GRM8: variants seen among roughly 807,000 people sequenced by gnomAD.
The protein encoded by GRM8 is metabotropic glutamate receptor 8.
A neutral mutation model predicts 87.2 loss-of-function variants in GRM8; 47 were observed. The ratio of observed to expected loss-of-function variants is 0.54; its 90% CI spans 0.43 to 0.69. The LOEUF is 0.69. Ranked by LOEUF, GRM8 falls within the 30% of genes least tolerant of loss-of-function variation. The pLI, the probability that GRM8 is intolerant of heterozygous loss-of-function variation, is 0.00. For missense variants in GRM8, 1,019 were observed against 1,139.2 expected (o/e 0.89, Z 1.52); for synonymous variants, 396 against 404.5 (o/e 0.98, Z 0.25).
intron 3 of GRM8, among the ~76,000 whole-genome samples, chr7:126,959,058 A>C (rs1305146639): frequency 6.6e-6 from 1 of 152,228 alleles, no homozygotes; most frequent in Admixed American, 6.5e-5. Flanking sequence ...GAAATCTGGA[A>C]GATAAAAGGA....
intron 9 of GRM8, among the ~76,000 whole-genome samples, chr7:126,492,739 A>C (rs1808171412): frequency 2.0e-5 from 3 of 152,054 alleles, no homozygotes; most frequent in Non-Finnish European, 4.4e-5. Flanking sequence ...TAAAGATGTA[A>C]ATAGCTTTAT....
chr7:127,033,563 G>A lies in GRM8; in HGVS notation c.727+72933C>T, dbSNP rs1289793102. On this transcript the variant is annotated intron_variant, in intron 3 of 10. Transcript: ENST00000339582. ...GATGAGAAAACTGAAGATTTAAAAG[G>A]TTAAGTAGTTTGCTCAAAGTTATAG... 4.6e-5 allele frequency among the ~76,000 whole-genome samples: 7 copies of A among 152,052 alleles called. No individual in the cohort carries two copies. The South Asian group carries it at 1.5e-3, about 32-fold the overall frequency.
At chr7:126,939,205 C>A (rs932363205) in intron 3 of GRM8, among the ~76,000 whole-genome samples, 1 of 152,142 alleles carries the variant, frequency 6.6e-6, no homozygotes, top group South Asian at 2.1e-4. Context: ...CCAATTCAAT[C>A]AGGGCATTCA....
intron 6 of GRM8, among the ~76,000 whole-genome samples, chr7:126,868,560 A>G (rs1798808690): frequency 6.6e-6 from 1 of 152,248 alleles, no homozygotes; most frequent in African/African-American, 2.4e-5. Context: ...AGACATTAAT[A>G]GAAGACCAGT....
At chr7:126,646,368 TACC>T (rs973859485) in intron 7 of GRM8, among the ~76,000 whole-genome samples, 3 of 152,074 alleles carry the variant, frequency 2.0e-5, no homozygotes, top group African/African-American at 4.8e-5. Context: ...CTTCTTCAGC[TACC>T]ACCGTATCTT....
chr7:126,960,332 A>G (rs1272438124), intron 3 of GRM8, among the ~76,000 whole-genome samples: 1 of 152,220 alleles, frequency 6.6e-6, no homozygotes, highest in Non-Finnish European at 1.5e-5. Flanking sequence ...TCGAAAATCC[A>G]GGGGAAAAAA....
chr7:127,229,080 A>G (rs1797523208), intron 2 of GRM8: 1 of 152,228 alleles, frequency 6.6e-6, no homozygotes, highest in African/African-American at 2.4e-5. Context: ...CATACCACTG[A>G]TCAGCAGAGG....
At chr7:126,664,145 A>C (rs372501815) in intron 7 of GRM8, among the ~76,000 whole-genome samples, 1 of 152,184 alleles carries the variant, frequency 6.6e-6, no homozygotes, top group African/African-American at 2.4e-5. Flanking sequence ...AGATGACACA[A>C]ACAAAACAAA....
At chr7:126,700,618 G>A (rs1809821413) in intron 7 of GRM8, among the ~76,000 whole-genome samples, 1 of 152,062 alleles carries the variant, frequency 6.6e-6, no homozygotes, top group African/African-American at 2.4e-5. Flanking sequence ...ATAATTTGAT[G>A]AGGGTGATAA....
chr7:126,479,043 A>T (rs1266179803), intron 9 of GRM8, among the ~76,000 whole-genome samples: 1 of 152,048 alleles, frequency 6.6e-6, no homozygotes, highest in Admixed American at 6.6e-5. Context: ...ATCAATCATG[A>T]TATTAACTTT....
intron 2 of GRM8, among the ~76,000 whole-genome samples, chr7:127,223,457 A>G (rs879480627): frequency 0.18 from 15,301 of 83,258 alleles, 875 homozygotes; most frequent in African/African-American, 0.3. Flanking sequence ...ACACACACAC[A>G]CACACACACA....
At chr7:126,619,417 G>A (rs189301998) in intron 7 of GRM8, among the ~76,000 whole-genome samples, 26 of 150,942 alleles carry the variant, frequency 1.7e-4, no homozygotes, top group South Asian at 6.2e-4. Flanking sequence ...GAGATATACC[G>A]ACAAGTTAAT....
Position 127,106,438 on chromosome 7 carries a change from C to T in GRM8, c.727+58G>A, listed in dbSNP as rs540064401. ...ACAGATAAGAGAGCACTTGGAGATG[C>T]TCAGGCATCAGCAATCTGTCACCTC... is the stretch of plus-strand genomic sequence containing the variant. On this transcript the variant is annotated intron_variant, in intron 3 of 10. Transcript: ENST00000339582. 6.6e-5 allele frequency: 89 copies of T among 1,349,038 alleles called. No homozygotes were observed. In the African/African-American group the frequency reaches 1.2e-3, roughly 18 times the overall value. The allele number at this position is 1,349,038 out of a possible 1,614,324, so 83.6% of individuals were successfully genotyped here.
chr7:126,625,155 A>G (rs1800549015), intron 7 of GRM8, among the ~76,000 whole-genome samples: 1 of 152,194 alleles, frequency 6.6e-6, no homozygotes, highest in Non-Finnish European at 1.5e-5. Flanking sequence ...TAAAGCTTCA[A>G]GAATAGTGTA....
At chr7:127,248,890 CAAG>C (rs1798717378) in intron 1 of GRM8, among the ~76,000 whole-genome samples, 1 of 152,146 alleles carries the variant, frequency 6.6e-6, no homozygotes, top group African/African-American at 2.4e-5. Flanking sequence ...GGAAAGGACG[CAAG>C]AAGAAGTCAA....
chr7:126,691,303 G>C (rs1177913216), intron 7 of GRM8, among the ~76,000 whole-genome samples: 1 of 152,202 alleles, frequency 6.6e-6, no homozygotes, highest in African/African-American at 2.4e-5. Context: ...CCTGGGCTCA[G>C]CCTTAACTTT....
At chr7:127,015,639 T>C (rs896856808) in intron 3 of GRM8, among the ~76,000 whole-genome samples, 2 of 152,126 alleles carry the variant, frequency 1.3e-5, no homozygotes, top group African/African-American at 4.8e-5. Context: ...AACATGAATC[T>C]GGCTGCTTAT....
At chr7:126,660,493 T>C (rs1805038629) in intron 7 of GRM8, among the ~76,000 whole-genome samples, 1 of 152,214 alleles carries the variant, frequency 6.6e-6, no homozygotes, top group Admixed American at 6.5e-5. Flanking sequence ...GCCAACACTA[T>C]ATTTTGAATA....
intron 3 of GRM8, among the ~76,000 whole-genome samples, chr7:127,079,263 C>G (rs1243100964): frequency 1.3e-5 from 2 of 152,088 alleles, no homozygotes; most frequent in Non-Finnish European, 2.9e-5. Context: ...GATGGGATTA[C>G]AGGCACCCAT....
Sources: allele counts gnomAD v4.1 joint callset (sites outside exome capture counted in the v4.1 genomes callset), GRCh38; gene constraint gnomAD v4.1.1; transcripts MANE v1.5; gene names NCBI Gene and HGNC (gene_info 2026-07-23, HGNC 2026-07-21).